Variants in SLC35G2 observed in about 807,000 individuals in gnomAD.
SLC35G2 encodes the protein solute carrier family 35 member G2.
Under a neutral mutation model 27.2 loss-of-function variants are expected in SLC35G2, and 20 were observed. The ratio of observed to expected loss-of-function variants is 0.74; its 90% CI spans 0.52 to 1.07. SLC35G2 has a LOEUF of 1.07. SLC35G2 is among the 50% of genes least tolerant of loss of function. The pLI, the probability that SLC35G2 is intolerant of heterozygous loss-of-function variation, is 0.00. For missense variants in SLC35G2, 416 were observed against 493.3 expected (o/e 0.84, Z 1.48); for synonymous variants, 148 against 165.3 (o/e 0.90, Z 0.80).
At chr3:136,820,415 G>A (rs1283400884) in intron 1 of SLC35G2, 1 of 152,218 alleles carries the variant, frequency 6.6e-6, no homozygotes, top group Non-Finnish European at 1.5e-5. Context: ...CATGGCTGGT[G>A]GCCAGAGTGG....
At chr3:136,844,261 G>A (rs549630585) in intron 1 of SLC35G2, among the ~76,000 whole-genome samples, 38 of 148,472 alleles carry the variant, frequency 2.6e-4, no homozygotes, top group East Asian at 6.0e-4. Context: ...AGGCCGAGGC[G>A]GGCGGATCAT....
intron 1 of SLC35G2, chr3:136,838,242 T>TATAC (rs2108009463): frequency 3.9e-5 from 2 of 51,550 alleles, no homozygotes; most frequent in South Asian, 1.1e-3. Context: ...TGCAGTAGCA[T>TATAC]ATACATATAT....
intron 1 of SLC35G2, among the ~76,000 whole-genome samples, chr3:136,832,495 C>T (rs1009674874): frequency 3.3e-5 from 5 of 152,278 alleles, no homozygotes; most frequent in Non-Finnish European, 5.9e-5. Context: ...AATTTCCTTC[C>T]TTTAATGTGC....
intron 1 of SLC35G2, among the ~76,000 whole-genome samples, chr3:136,840,472 CCTT>C (rs1299465366): frequency 2.6e-5 from 4 of 151,740 alleles, no homozygotes; most frequent in Admixed American, 1.3e-4. Context: ...TGGTTGTTGC[CCTT>C]CTTTTCTTTC....
At position 136,854,887 on chromosome 3, in the gene SLC35G2, T is replaced by C; in HGVS notation, c.427T>C (p.Phe143Leu). Residue 143 changes from phenylalanine to leucine, a missense_variant, in exon 2 of 2, where the codon TTT becomes CTT. Physicochemically the swap from Phe to Leu is conservative, Grantham distance 22 (BLOSUM62 0). Transcript: ENST00000446465. ...AGAACTGATTTTTATCCGTTCTGTT[T>C]TTCAGGTCTTATCTGTGTTAGTTGT... ...SLELIFIRSV[F>L]QVLSVLVVCY... 1.2e-6 allele frequency: 2 copies of C among 1,614,232 alleles called. No individual in the cohort carries two copies. The highest frequency in any genetic ancestry group is 1.7e-6 in the Non-Finnish European group (2 of 1,180,034).
intron 1 of SLC35G2, among the ~76,000 whole-genome samples, chr3:136,845,818 TC>T (rs1053948242): frequency 1.9e-4 from 29 of 151,440 alleles, no homozygotes; most frequent in African/African-American, 6.6e-4. Context: ...ATGGTCTTGA[TC>T]TCTTGACCTT....
chr3:136,838,650 AAGGAGTTC>A (rs1157345824), intron 1 of SLC35G2: 1 of 152,232 alleles, frequency 6.6e-6, no homozygotes, highest in East Asian at 1.9e-4. Context: ...TGGCCTCAAG[AAGGAGTTC>A]AGGCTTGGCT....
intron 1 of SLC35G2, among the ~76,000 whole-genome samples, chr3:136,839,794 C>T (rs535228995): frequency 6.6e-6 from 1 of 152,288 alleles, no homozygotes; most frequent in East Asian, 1.9e-4. Context: ...TGCTTTAGAA[C>T]TGTCAGTGGA....
chr3:136,855,472 G>A lies in SLC35G2; in HGVS notation c.1012G>A (p.Ala338Thr), dbSNP rs762993273. 6.2e-7 allele frequency: 1 copy of A among 1,614,124 alleles called. No homozygotes were observed. Among genetic ancestry groups the A allele is most frequent in the East Asian group, 2.2e-5 (1 of 44,884 alleles). ...STAAFLGVYY[A>T]LDKFHPALVS... ...TGCAGCATTCTTAGGAGTTTATTAT[G>A]CCTTGGACAAATTCCATCCAGCTTT... Residue 338 changes from alanine to threonine, a missense_variant, in exon 2 of 2, where the codon GCC becomes ACC. Transcript: ENST00000446465.
chr3:136,830,471 G>A (rs774586795), intron 1 of SLC35G2, among the ~76,000 whole-genome samples: 99 of 152,262 alleles, frequency 6.5e-4, no homozygotes, highest in Non-Finnish European at 1.1e-3. Flanking sequence ...TTTTAATAGA[G>A]ACAGGGTTTC....
Position 136,854,802 on chromosome 3 carries a change from T to C in SLC35G2, c.342T>C (p.Ala114=). ...MWIVLFGSAL[A]HGCVALITRL... Reference sequence around the variant, plus strand: ...TAGTGCTGTTTGGATCTGCTTTGGCTCATGGATGTGTAGCTCTTATCACTA... The same window carrying C: ...TAGTGCTGTTTGGATCTGCTTTGGCCCATGGATGTGTAGCTCTTATCACTA... The change falls in exon 2 of 2, where the codon GCT becomes GCC. Residue 114 remains alanine (A), a synonymous_variant. Transcript: ENST00000446465. The C allele has an allele frequency of 1.2e-6, 2 of 1,614,220 alleles. No homozygotes were observed. Among genetic ancestry groups the C allele is most frequent in the Non-Finnish European group, 1.7e-6 (2 of 1,180,030 alleles).
chr3:136,826,401 A>G (rs1576886645), intron 1 of SLC35G2, among the ~76,000 whole-genome samples: 1 of 152,188 alleles, frequency 6.6e-6, no homozygotes, highest in South Asian at 2.1e-4. Context: ...TACAAAATCA[A>G]CATACAAAAA....
intron 1 of SLC35G2, among the ~76,000 whole-genome samples, chr3:136,826,009 A>G (rs1463243803): frequency 6.7e-6 from 1 of 148,594 alleles, no homozygotes; most frequent in Non-Finnish European, 1.5e-5. Context: ...TTCAGCCATC[A>G]GGTCCTGGGC....
At position 136,855,113 on chromosome 3, in the gene SLC35G2, T is replaced by C. The variant is rs760933535; in HGVS notation, c.653T>C (p.Met218Thr). ...GCTTTTTTACTCGTAGATGAGAAAA[T>C]GGCTTATGTTGACATGGCTACAGTT... Reference protein sequence around the residue: ...ILAFLLVDEKMAYVDMATVVC... With the variant: ...ILAFLLVDEKTAYVDMATVVC... Residue 218 changes from methionine (M) to threonine (T), a missense_variant, in exon 2 of 2, where the codon ATG becomes ACG. Physicochemically the swap from Met to Thr is moderately conservative, Grantham distance 81. Transcript: ENST00000446465. The C allele has an allele frequency of 8.1e-6, 13 of 1,614,182 alleles. No individual in the cohort carries two copies. The highest frequency in any genetic ancestry group is 1.1e-5 in the Non-Finnish European group (13 of 1,180,034).
chr3:136,851,462 C>T (rs146251569), intron 1 of SLC35G2, among the ~76,000 whole-genome samples: 2,405 of 130,660 alleles, frequency 0.018, 75 homozygotes, highest in African/African-American at 0.063. Flanking sequence ...TGTGCCACTG[C>T]GCTCCAGCCT....
chr3:136,821,728 G>T (rs1020975050), intron 1 of SLC35G2, among the ~76,000 whole-genome samples: 1 of 152,150 alleles, frequency 6.6e-6, no homozygotes, highest in African/African-American at 2.4e-5. Flanking sequence ...CACTGCACCC[G>T]GGCCTGCCTT....
At chr3:136,822,690 T>G (rs1318904989) in intron 1 of SLC35G2, among the ~76,000 whole-genome samples, 2 of 152,250 alleles carry the variant, frequency 1.3e-5, no homozygotes, top group East Asian at 3.8e-4. Context: ...GAAGTTTGTC[T>G]TTCTGTGCCT....
intron 1 of SLC35G2, among the ~76,000 whole-genome samples, chr3:136,823,718 C>T (rs1936514982): frequency 2.0e-5 from 3 of 151,964 alleles, no homozygotes; most frequent in African/African-American, 7.2e-5. Flanking sequence ...GCCTCAGCCT[C>T]CTGAGTAGCT....
rs555736082 is a variant in SLC35G2, at chr3:136,853,256, C to T, written c.-18-1187C>T. Among the ~76,000 whole-genome samples the T allele has an allele frequency of 1.3e-3, 194 of 152,066 alleles. 1 individual carries two copies. Among genetic ancestry groups the T allele is most frequent in the Middle Eastern group, 0.01 (3 of 294 alleles). On this transcript the variant is annotated intron_variant, in intron 1 of 1. Transcript: ENST00000446465. ...AATTACAGACACATACCACCAGGCC[C>T]GGCTAAATTTAGTATTTTTAGTAGA...
Sources: allele counts gnomAD v4.1 joint callset (sites outside exome capture counted in the v4.1 genomes callset), GRCh38; gene constraint gnomAD v4.1.1; transcripts MANE v1.5; gene names NCBI Gene and HGNC (gene_info 2026-07-23, HGNC 2026-07-21).